The following KIAA0319L variants were observed in gnomAD, a reference collection of about 807,000 sequenced individuals.
The protein encoded by KIAA0319L is dyslexia-associated protein KIAA0319-like protein.
KIAA0319L carries 55 observed loss-of-function variants against 120.1 expected under a neutral mutation model. The ratio of observed to expected loss-of-function variants is 0.46; its 90% CI spans 0.37 to 0.57. KIAA0319L has a LOEUF of 0.57. KIAA0319L is among the 20% of genes least tolerant of loss of function. KIAA0319L has a pLI of 0.00. For synonymous variants in KIAA0319L, 398 were observed against 471.9 expected, an observed-to-expected ratio of 0.84 and a Z score of 2.03; for missense variants, 1,049 against 1,255.3, an observed-to-expected ratio of 0.84 and a Z score of 2.48.
chr1:35,549,042 C>T lies in KIAA0319L; in HGVS notation c.142+5308G>A, dbSNP rs117059803. On this transcript the variant is annotated intron_variant, in intron 2 of 20. Transcript: ENST00000325722. ...CCTACGGTTCCAGTAGCACTCTGTG[C>T]GTTGCATCTTTTTTTTTTTTTTTTA... is the stretch of plus-strand genomic sequence containing the variant. Among the ~76,000 whole-genome samples the T allele has an allele frequency of 2.5e-4, 38 of 151,544 alleles. No individual in the cohort carries two copies. In the East Asian group the frequency reaches 6.0e-3, roughly 24 times the overall value.
intron 16 of KIAA0319L, among the ~76,000 whole-genome samples, chr1:35,447,348 A>C (rs982216452): frequency 6.6e-6 from 1 of 151,484 alleles, no homozygotes; most frequent in African/African-American, 2.5e-5. Context: ...CCAAACTATT[A>C]AAACTAAGAT....
At chr1:35,537,233 T>C (rs1340389365) in intron 2 of KIAA0319L, among the ~76,000 whole-genome samples, 1 of 152,232 alleles carries the variant, frequency 6.6e-6, no homozygotes, top group Non-Finnish European at 1.5e-5. Context: ...GTTAAGAATC[T>C]GCAGTTGATT....
chr1:35,489,532 C>T (rs1468292031), intron 3 of KIAA0319L, among the ~76,000 whole-genome samples: 1 of 152,068 alleles, frequency 6.6e-6, no homozygotes, highest in Non-Finnish European at 1.5e-5. Context: ...AAGAAGAGTG[C>T]TATACAGAGA....
chr1:35,440,178 G>A (rs553784322), intron 20 of KIAA0319L: 27 of 152,164 alleles, frequency 1.8e-4, no homozygotes, highest in African/African-American at 6.3e-4. Flanking sequence ...TTGGTGGATC[G>A]AGCTGCTTGG....
chr1:35,508,662 C>A (rs1426769792), intron 2 of KIAA0319L, among the ~76,000 whole-genome samples: 2 of 151,578 alleles, frequency 1.3e-5, no homozygotes, highest in Non-Finnish European at 2.9e-5. Context: ...ACAGAAATAC[C>A]CCCTCATTTT....
At chr1:35,533,560 CTTCA>C (rs1025881422) in intron 2 of KIAA0319L, 8 of 152,174 alleles carry the variant, frequency 5.3e-5, no homozygotes, top group African/African-American at 1.9e-4. Context: ...ATGGTCAAGA[CTTCA>C]TTCAAAGCTT....
At chr1:35,515,213 G>A (rs1356813270) in intron 2 of KIAA0319L, among the ~76,000 whole-genome samples, 1 of 151,814 alleles carries the variant, frequency 6.6e-6, no homozygotes, top group African/African-American at 2.4e-5. Context: ...TTGGGAGGCT[G>A]AGATAGGAGA....
At chr1:35,520,397 CTCT>C (rs1645863792) in intron 2 of KIAA0319L, among the ~76,000 whole-genome samples, 1 of 152,006 alleles carries the variant, frequency 6.6e-6, no homozygotes, top group Non-Finnish European at 1.5e-5. Context: ...TGCACCCGGC[CTCT>C]TTTTTTTCTT....
chr1:35,475,960 G>A (rs940454282), intron 4 of KIAA0319L, among the ~76,000 whole-genome samples: 3 of 152,146 alleles, frequency 2.0e-5, no homozygotes, highest in South Asian at 2.1e-4. Context: ...TTTCAACTGC[G>A]GTGTTTGCCT....
chr1:35,529,691 G>C (rs749339692), intron 2 of KIAA0319L, among the ~76,000 whole-genome samples: 53 of 152,150 alleles, frequency 3.5e-4, no homozygotes, highest in Non-Finnish European at 6.6e-4. Context: ...GTCTGATCAG[G>C]ATTCCTTTAG....
intron 3 of KIAA0319L, 66 bp from the exon 4 acceptor site, chr1:35,479,278 G>T: frequency 7.6e-7 from 1 of 1,308,642 alleles, no homozygotes. Context: ...TATGTCTCAT[G>T]AAACAATAGT....
chr1:35,454,290 C>T, intron 11 of KIAA0319L, 72 bp downstream of exon 11: 2 of 1,559,970 alleles, frequency 1.3e-6, no homozygotes, highest in South Asian at 1.1e-5. Flanking sequence ...AGCTCAGAAC[C>T]CAACACTCTT....
intron 3 of KIAA0319L, among the ~76,000 whole-genome samples, chr1:35,489,770 G>A (rs1021078376): frequency 3.3e-5 from 5 of 150,900 alleles, no homozygotes; most frequent in African/African-American, 1.2e-4. Flanking sequence ...AGGTTCAAGC[G>A]ATTCTCCTGC....
chr1:35,528,001 G>A (rs929455285), intron 2 of KIAA0319L, among the ~76,000 whole-genome samples: 16 of 151,754 alleles, frequency 1.1e-4, no homozygotes, highest in African/African-American at 3.6e-4. Flanking sequence ...TTTGATGTAG[G>A]TGTTTATTGC....
intron 2 of KIAA0319L, 129 bp downstream of exon 2, chr1:35,554,221 G>A: frequency 1.7e-6 from 1 of 594,132 alleles, no homozygotes; most frequent in Non-Finnish European, 2.7e-6. Flanking sequence ...TCACCAAAAG[G>A]ATGACCATTT....
At chr1:35,444,467 T>C (rs1641469336) in intron 16 of KIAA0319L, among the ~76,000 whole-genome samples, 164 bp from the exon 17 acceptor site, 2 of 152,202 alleles carry the variant, frequency 1.3e-5, no homozygotes, top group African/African-American at 2.4e-5. Flanking sequence ...GTCATCTCCA[T>C]TTTACAGAGA....
At chr1:35,468,022 A>G (rs1052924174) in intron 6 of KIAA0319L, among the ~76,000 whole-genome samples, 6 of 152,156 alleles carry the variant, frequency 3.9e-5, no homozygotes, top group African/African-American at 1.4e-4. Flanking sequence ...AACGACCACA[A>G]AGCAGTATAT....
At position 35,484,796 on chromosome 1, in the gene KIAA0319L, ATATATATATATTT is replaced by A. The variant is rs1422744375; in HGVS notation, c.667-5597_667-5585del. ...TATATATATATATATATATATATATATATATATATATTTTTTTTTTTATTATACTCTAAGTTTT... is the reference window on the plus strand; with the variant it reads ...TATATATATATATATATATATATATATTTTTTTTATTATACTCTAAGTTTT... On this transcript the variant is annotated intron_variant, in intron 3 of 20. Coordinates refer to ENST00000325722, the MANE Select transcript of KIAA0319L (RefSeq NM_024874.5). Among the ~76,000 whole-genome samples, 116 of 46,830 alleles carry A rather than the reference ATATATATATATTT, an allele frequency of 2.5e-3. 1 individual carries two copies. The highest frequency in any genetic ancestry group is 7.4e-3 in the African/African-American group (96 of 13,046). 30.7% of individuals were successfully genotyped at this position (46,830 alleles called of 152,430 possible). A position where few individuals can be genotyped will look rare whatever the true frequency, so the allele number is the denominator to read the frequency against.
chr1:35,494,359 G>A (rs200028273), intron 3 of KIAA0319L, among the ~76,000 whole-genome samples: 1 of 152,066 alleles, frequency 6.6e-6, no homozygotes, highest in African/African-American at 2.4e-5. Flanking sequence ...TGAGGCAGGA[G>A]AATCACTTGA....
Sources: gnomAD v4.1 joint callset for allele counts (sites outside exome capture counted in the v4.1 genomes callset) on GRCh38, gnomAD v4.1.1 for gene constraint, MANE v1.5 for transcripts, NCBI Gene and HGNC (gene_info 2026-07-23, HGNC 2026-07-21) for gene names.